CDKN2B-AS1: variants seen among roughly 807,000 people sequenced by gnomAD.
CDKN2B-AS1 encodes the protein CDKN2B antisense RNA 1 (non-protein coding).
At chr9:22,025,266 G>A (rs1407334692) in intron 1 of CDKN2B-AS1, among the ~76,000 whole-genome samples, 2 of 152,194 alleles carry the variant, frequency 1.3e-5, no homozygotes, top group Non-Finnish European at 2.9e-5. Flanking sequence ...AGCAGCTGGG[G>A]GGTGGGGTGG....
At chr9:22,017,423 T>C (rs1234801395) in intron 1 of CDKN2B-AS1, among the ~76,000 whole-genome samples, 2 of 152,248 alleles carry the variant, frequency 1.3e-5, no homozygotes, top group African/African-American at 4.8e-5. Flanking sequence ...CAAACCCAAC[T>C]GAATTCGGAC....
At chr9:22,089,537 C>T (rs1444397949) in intron 4 of CDKN2B-AS1, among the ~76,000 whole-genome samples, 2 of 152,148 alleles carry the variant, frequency 1.3e-5, no homozygotes, top group Non-Finnish European at 2.9e-5. Flanking sequence ...TTCAAGTGAT[C>T]TTCCCACCTC....
intron 4 of CDKN2B-AS1, among the ~76,000 whole-genome samples, chr9:22,089,665 G>GTCTTGAAC (rs1374129152): frequency 1.3e-5 from 2 of 151,774 alleles, no homozygotes; most frequent in East Asian, 3.9e-4. Context: ...GCTGAGGCTG[G>GTCTTGAAC]TCTTGAACTC....
chr9:22,077,435 C>A (rs1824538913), intron 4 of CDKN2B-AS1, among the ~76,000 whole-genome samples: 1 of 152,080 alleles, frequency 6.6e-6, no homozygotes, highest in Non-Finnish European at 1.5e-5. Context: ...AAAGTAGATA[C>A]ATGTATCCAA....
chr9:22,008,540 A>C, intron 1 of CDKN2B-AS1: 1 of 857,700 alleles, frequency 1.2e-6, no homozygotes, highest in Non-Finnish European at 1.7e-6. Context: ...TCCCCAATTC[A>C]GTCTATTCCT....
chr9:22,045,628 A>T (rs1823077416), intron 1 of CDKN2B-AS1, among the ~76,000 whole-genome samples: 1 of 151,978 alleles, frequency 6.6e-6, no homozygotes, highest in African/African-American at 2.4e-5. Flanking sequence ...TGTGGTGCTG[A>T]TGGAGGAAGT....
intron 3 of CDKN2B-AS1, among the ~76,000 whole-genome samples, chr9:22,055,608 G>A (rs1237337151): frequency 6.6e-6 from 1 of 152,098 alleles, no homozygotes; most frequent in Non-Finnish European, 1.5e-5. Context: ...AAAAACCTTG[G>A]TTTTCTGTGA....
At chr9:22,013,941 G>T (rs1442008257) in intron 1 of CDKN2B-AS1, among the ~76,000 whole-genome samples, 1 of 152,014 alleles carries the variant, frequency 6.6e-6, no homozygotes, top group Non-Finnish European at 1.5e-5. Context: ...TAGGCCTAGA[G>T]TCTGTATGTG....
At position 22,089,049 on chromosome 9, in the gene CDKN2B-AS1, C is replaced by CAT. The variant is rs201321834; in HGVS notation, n.438+32662_438+32663insAT. Reference sequence around the variant, plus strand: ...CATTGTCAACTGTGCAAAAATATCACGATTCTAATTTATGAGGGTCCATGA... The same window carrying CAT: ...CATTGTCAACTGTGCAAAAATATCACATGATTCTAATTTATGAGGGTCCATGA... On this transcript the variant is annotated intron_variant and non_coding_transcript_variant, in intron 4 of 4. Transcript: ENST00000650946. Among the ~76,000 whole-genome samples the CAT allele has an allele frequency of 4.0e-3, 615 of 152,250 alleles. 6 individuals are homozygous for CAT. The highest frequency in any genetic ancestry group is 0.014 in the African/African-American group (577 of 41,536).
intron 1 of CDKN2B-AS1, among the ~76,000 whole-genome samples, chr9:22,028,318 A>G (rs1822324404): frequency 6.6e-6 from 1 of 152,148 alleles, no homozygotes; most frequent in Admixed American, 6.5e-5. Context: ...CATCTCAGAA[A>G]AACCTTGGCA....
intron 4 of CDKN2B-AS1, among the ~76,000 whole-genome samples, chr9:22,099,244 G>A (rs1358338209): frequency 6.6e-6 from 1 of 152,162 alleles, no homozygotes; most frequent in East Asian, 1.9e-4. Context: ...CTAGAGCATA[G>A]GGTAGTAGAG....
In CDKN2B-AS1 at chr9:22,005,719, T is replaced by G; in HGVS notation, n.29+10558T>G. ...AAAACCCTGAAAAGCAAACGACCCC[T>G]GGAATGTCACACACTCCTAAATATC... On this transcript the variant is annotated intron_variant and non_coding_transcript_variant, in intron 1 of 4. Coordinates refer to ENST00000650946, the Ensembl canonical transcript of CDKN2B-AS1. The surrounding 1 kb of genome is among the most constrained non-coding windows in gnomAD (Gnocchi z 4.9). 1 of 573,244 alleles carries G rather than the reference T, an allele frequency of 1.7e-6. No homozygotes were observed. The highest frequency in any genetic ancestry group is 3.1e-6 in the Non-Finnish European group (1 of 320,548). The allele number at this position is 573,244 out of a possible 1,614,324, so 35.5% of individuals were successfully genotyped here.
intron 4 of CDKN2B-AS1, among the ~76,000 whole-genome samples, chr9:22,066,527 T>C (rs1367850833): frequency 6.6e-6 from 1 of 151,980 alleles, no homozygotes; most frequent in African/African-American, 2.4e-5. Context: ...TTTTCTGCCT[T>C]AGTAATGCTG....
intron 1 of CDKN2B-AS1, among the ~76,000 whole-genome samples, chr9:22,031,282 C>A (rs1330798798): frequency 6.6e-6 from 1 of 152,096 alleles, no homozygotes; most frequent in Non-Finnish European, 1.5e-5. Flanking sequence ...AAGAGTTACA[C>A]CTACAGTCCA....
intron 1 of CDKN2B-AS1, among the ~76,000 whole-genome samples, chr9:22,036,168 T>G (rs1486075644): frequency 6.6e-6 from 1 of 152,096 alleles, no homozygotes; most frequent in Non-Finnish European, 1.5e-5. Flanking sequence ...TAATAAAACG[T>G]GGGTCAAAAT....
At chr9:22,057,236 C>G (rs940070507) in intron 4 of CDKN2B-AS1, among the ~76,000 whole-genome samples, 3 of 151,980 alleles carry the variant, frequency 2.0e-5, no homozygotes, top group Non-Finnish European at 2.9e-5. Flanking sequence ...GCTATGTATT[C>G]TTCAGTATGT....
chr9:22,112,381 C>T (rs191456992), intron 4 of CDKN2B-AS1: 1 of 152,330 alleles, frequency 6.6e-6, no homozygotes, highest in East Asian at 1.9e-4. Context: ...CTACGTTCTA[C>T]AACATCCACC....
chr9:22,012,141 C>T, intron 1 of CDKN2B-AS1: 1 of 1,170,376 alleles, frequency 8.5e-7, no homozygotes, highest in South Asian at 1.2e-5. Context: ...GGCAGCCGAG[C>T]TGCAGACACA....
chr9:22,101,009 A>T (rs1184748777), intron 4 of CDKN2B-AS1, among the ~76,000 whole-genome samples: 1 of 152,138 alleles, frequency 6.6e-6, no homozygotes, highest in Non-Finnish European at 1.5e-5. Context: ...TTACCTCCCT[A>T]TTCTTGACTT....
Sources: allele counts gnomAD v4.1 joint callset (sites outside exome capture counted in the v4.1 genomes callset), GRCh38; gene constraint gnomAD v4.1.1; non-coding constraint Gnocchi (gnomAD v3.1); transcripts MANE v1.5; gene names NCBI Gene and HGNC (gene_info 2026-07-23, HGNC 2026-07-21).